ABCG1: variants seen among roughly 807,000 people sequenced by gnomAD.
ABCG1 encodes ATP-binding cassette sub-family G member 1.
A neutral mutation model predicts 69.2 loss-of-function variants in ABCG1; 29 were observed. That is an observed-to-expected ratio of 0.42 (90% confidence interval 0.31 to 0.57). The LOEUF (loss-of-function observed/expected upper bound fraction) is 0.57. ABCG1 is among the 20% of genes least tolerant of loss of function. The pLI, the probability that ABCG1 is intolerant of heterozygous loss-of-function variation, is 0.15. For synonymous variants in ABCG1, 370 were observed against 374.8 expected, an observed-to-expected ratio of 0.99 and a Z score of 0.15; for missense variants, 718 against 898.1, an observed-to-expected ratio of 0.80 and a Z score of 2.56.
intron 2 of ABCG1, among the ~76,000 whole-genome samples, chr21:42,259,752 G>A (rs9976804): frequency 0.015 from 2,269 of 152,364 alleles, 30 homozygotes; most frequent in Middle Eastern, 0.034. Flanking sequence ...TCACAGATTT[G>A]CCACTTGCCA....
At chr21:42,274,518 A>G (rs1471230957) in intron 4 of ABCG1, among the ~76,000 whole-genome samples, 1 of 135,612 alleles carries the variant, frequency 7.4e-6, no homozygotes, top group South Asian at 2.4e-4. Flanking sequence ...TCTGTCACCG[A>G]GGCTGGAATG....
chr21:42,217,415 C>T (rs1405493673), upstream of ABCG1, among the ~76,000 whole-genome samples: 4 of 152,074 alleles, frequency 2.6e-5, no homozygotes, highest in Admixed American at 6.5e-5. Context: ...GTTCCTGGAG[C>T]GAGATGGGTC....
In ABCG1 at chr21:42,259,642, A is replaced by G. The variant is rs116522788; in HGVS notation, c.287-11428A>G. Reference sequence around the variant, plus strand: ...GTCACTCATTTGATAAAAACTGACAAGGTTGCTAGAGCCACGTGTTTGCAA... The same window carrying G: ...GTCACTCATTTGATAAAAACTGACAGGGTTGCTAGAGCCACGTGTTTGCAA... On this transcript the variant is annotated intron_variant, in intron 2 of 14. Transcript: ENST00000398449. 4,389 of 1,433,948 alleles carry G rather than the reference A, an allele frequency of 3.1e-3. 123 individuals are homozygous for G. The African/African-American group carries it at 0.054, about 18-fold the overall frequency. 88.8% of individuals were successfully genotyped at this position (1,433,948 alleles called of 1,614,324 possible). A position where few individuals can be genotyped will look rare whatever the true frequency, so the allele number is the denominator to read the frequency against.
At chr21:42,283,532 C>T (rs973538568) in intron 6 of ABCG1, among the ~76,000 whole-genome samples, 1 of 152,198 alleles carries the variant, frequency 6.6e-6, no homozygotes, top group African/African-American at 2.4e-5. Context: ...AGCAAGGCCA[C>T]CTTCTATGGG....
chr21:42,207,701 C>T (rs7278922), intron 2 of ABCG1, among the ~76,000 whole-genome samples: 7,512 of 152,292 alleles, frequency 0.049, 628 homozygotes, highest in African/African-American at 0.17. Context: ...CCTTTGTTGA[C>T]ACCCAAAAGA....
chr21:42,202,396 CACA>C (rs1350786824), intron 2 of ABCG1, among the ~76,000 whole-genome samples: 1 of 152,096 alleles, frequency 6.6e-6, no homozygotes, highest in Non-Finnish European at 1.5e-5. Flanking sequence ...GAACTTTCTA[CACA>C]ACAATTCAGC....
At position 42,271,137 on chromosome 21, in the gene ABCG1, T is replaced by C; in HGVS notation, c.354T>C (p.Gly118=). ...FNSGELVAIM[G]PSGAGKSTLM... ...GTGGTGAGTTGGTGGCCATTATGGG[T>C]CCTTCCGGGGCCGGGAAGTCCACGC... is the stretch of plus-strand genomic sequence containing the variant. Residue 118 remains glycine (G), a synonymous_variant, in exon 3 of 15, where the codon GGT becomes GGC. Transcript: ENST00000398449. 1 of 1,582,746 alleles carries C rather than the reference T, an allele frequency of 6.3e-7. No homozygotes were observed. The highest frequency in any genetic ancestry group is 2.4e-5 in the East Asian group (1 of 41,570).
intron 2 of ABCG1, among the ~76,000 whole-genome samples, chr21:42,266,946 C>A (rs1016983305): frequency 2.6e-5 from 4 of 152,212 alleles, no homozygotes; most frequent in Non-Finnish European, 4.4e-5. Flanking sequence ...CCTCCCATTT[C>A]TTTCCATTTC....
rs539810851 is a variant in ABCG1 at position 42,267,903 on chromosome 21, T to C, written c.287-3167T>C. Among the ~76,000 whole-genome samples the C allele has an allele frequency of 7.7e-3, 1,168 of 151,410 alleles. 13 individuals are homozygous for C. Among genetic ancestry groups the C allele is most frequent in the African/African-American group, 0.026 (1,055 of 41,136 alleles). On this transcript the variant is annotated intron_variant, in intron 2 of 14. Transcript: ENST00000398449. ...CTGTCTGGGTGTGGTCTGGGTTCTG[T>C]CTGGGTGTGGTCTGGGTTCTGTCTG...
intron 1 of ABCG1, among the ~76,000 whole-genome samples, chr21:42,222,648 C>T (rs1004367087): frequency 2.6e-5 from 4 of 152,156 alleles, no homozygotes; most frequent in East Asian, 3.8e-4. Flanking sequence ...ATACCTCCTC[C>T]GAACTGGAGA....
intron 2 of ABCG1, among the ~76,000 whole-genome samples, chr21:42,236,995 C>T (rs538361924): frequency 3.3e-5 from 5 of 152,176 alleles, no homozygotes; most frequent in Admixed American, 6.5e-5. Flanking sequence ...AGAAAATGGC[C>T]GTGTCCTGAA....
Position 42,258,887 on chromosome 21 carries a change from C to T in ABCG1, c.287-12183C>T, listed in dbSNP as rs1185578691. ...TCTAGAAGCACCCAGGAGGGAGCTG[C>T]TCCAGAACTTTCTTTATCAGCTGAC... is the stretch of plus-strand genomic sequence containing the variant. On this transcript the variant is annotated intron_variant, in intron 2 of 14. Coordinates refer to ENST00000398449, the MANE Select transcript of ABCG1 (RefSeq NM_016818.3). Among the ~76,000 whole-genome samples, 3 of 152,240 alleles carry T rather than the reference C, an allele frequency of 2.0e-5. No individual in the cohort carries two copies. In the East Asian group the frequency reaches 5.8e-4, roughly 29 times the overall value.
upstream of ABCG1, among the ~76,000 whole-genome samples, chr21:42,211,200 C>T (rs1192903400): frequency 2.0e-5 from 3 of 152,172 alleles, no homozygotes; most frequent in South Asian, 2.1e-4. Context: ...CCTCCTGATC[C>T]GCCCGCCTCG....
chr21:42,251,743 C>T (rs966737022), intron 2 of ABCG1, among the ~76,000 whole-genome samples: 4 of 152,176 alleles, frequency 2.6e-5, no homozygotes, highest in African/African-American at 9.7e-5. Context: ...ACAGTGGGGG[C>T]CCACCCAGAG....
chr21:42,235,353 G>T (rs2067964579), intron 2 of ABCG1, among the ~76,000 whole-genome samples: 1 of 152,220 alleles, frequency 6.6e-6, no homozygotes, highest in Non-Finnish European at 1.5e-5. Context: ...TCGGGGGACT[G>T]CGGGAATCTT....
At chr21:42,266,083 C>T (rs1371531973) in intron 2 of ABCG1, among the ~76,000 whole-genome samples, 1 of 152,074 alleles carries the variant, frequency 6.6e-6, no homozygotes, top group Non-Finnish European at 1.5e-5. Context: ...GGGCGGATCA[C>T]GAGGTCAGGA....
chr21:42,290,716 C>T (rs1397510108), intron 11 of ABCG1, among the ~76,000 whole-genome samples: 1 of 152,206 alleles, frequency 6.6e-6, no homozygotes, highest in Non-Finnish European at 1.5e-5. Flanking sequence ...GTACCTCCTC[C>T]CCAAGCTTCC....
intron 4 of ABCG1, among the ~76,000 whole-genome samples, chr21:42,274,169 G>T (rs2068667993): frequency 6.6e-6 from 1 of 152,162 alleles, no homozygotes; most frequent in Admixed American, 6.6e-5. Flanking sequence ...GACCGTATGG[G>T]GTTGGTGTAA....
intron 1 of ABCG1, among the ~76,000 whole-genome samples, chr21:42,221,458 C>G (rs1226907732): frequency 2.0e-5 from 3 of 152,116 alleles, no homozygotes; most frequent in Non-Finnish European, 4.4e-5. Context: ...GGGGGTGAGC[C>G]AGGCACTCGG....
Sources: allele counts gnomAD v4.1 joint callset (sites outside exome capture counted in the v4.1 genomes callset), GRCh38; gene constraint gnomAD v4.1.1; transcripts MANE v1.5; gene names NCBI Gene and HGNC (gene_info 2026-07-23, HGNC 2026-07-21).